PIK3R5: variants seen among roughly 807,000 people sequenced by gnomAD.
The protein encoded by PIK3R5 is phosphoinositide 3-kinase regulatory subunit 5.
In PIK3R5, 32 loss-of-function variants were observed where a neutral mutation model predicts 94.9. The ratio of observed to expected loss-of-function variants is 0.34; its 90% confidence interval spans 0.25 to 0.45. The LOEUF (loss-of-function observed/expected upper bound fraction) is 0.45, where lower values mean the gene tolerates loss of function less well. Ranked by LOEUF, PIK3R5 falls within the 20% of genes least tolerant of loss-of-function variation. The probability of loss-of-function intolerance (pLI) is 1.00; values close to 1 mark genes in which losing one functional copy is unlikely to be tolerated. For synonymous variants in PIK3R5, 443 were observed against 479.4 expected (o/e 0.92, Z 0.99); for missense variants, 853 against 1,144.6 (o/e 0.75, Z 3.68).
At chr17:8,939,554 A>G (rs2091136975) in intron 1 of PIK3R5, among the ~76,000 whole-genome samples, 1 of 152,224 alleles carries the variant, frequency 6.6e-6, no homozygotes, top group Non-Finnish European at 1.5e-5. Flanking sequence ...AGTAAAGAGC[A>G]TGAATGACAT....
In PIK3R5 at chr17:8,911,614, C is replaced by T; in HGVS notation, c.-13-107G>A. 1.4e-6 allele frequency: 1 copy of T among 694,326 alleles called. No homozygotes were observed. The allele number at this position is 694,326 out of a possible 1,614,324, so 43.0% of individuals were successfully genotyped here. On this transcript the variant is annotated intron_variant, in intron 1 of 18. Coordinates refer to ENST00000447110, the MANE Select transcript of PIK3R5 (RefSeq NM_001142633.3). The surrounding 1 kb of genome is among the most constrained non-coding windows in gnomAD (Gnocchi z 5.3). ...ACAGTGCAGCGCGATCAGCCCAGCC[C>T]AGCTATAGCTCAGGTGCTGTGGAAA... is the stretch of plus-strand genomic sequence containing the variant.
intron 5 of PIK3R5, among the ~76,000 whole-genome samples, chr17:8,898,053 A>G (rs1377507804): frequency 3.3e-5 from 5 of 152,200 alleles, no homozygotes; most frequent in Non-Finnish European, 1.5e-5. Flanking sequence ...CTAACTGATC[A>G]CACCGTGTGG....
intron 14 of PIK3R5, 76 bp downstream of exon 14, chr17:8,886,152 AC>A: frequency 1.8e-6 from 2 of 1,120,552 alleles, no homozygotes; most frequent in South Asian, 1.3e-5. Flanking sequence ...CTCCCAGGTA[AC>A]CCCACCTCCA....
intron 3 of PIK3R5, among the ~76,000 whole-genome samples, chr17:8,908,004 A>G (rs1333455134): frequency 6.6e-6 from 1 of 152,128 alleles, no homozygotes; most frequent in African/African-American, 2.4e-5. Flanking sequence ...ATTTGCATTT[A>G]TTTTAGTATC....
In PIK3R5 at chr17:8,909,183, G is replaced by A; in HGVS notation, c.104-9C>T. 1 of 1,567,238 alleles carries A rather than the reference G, an allele frequency of 6.4e-7. No individual in the cohort carries two copies. Among genetic ancestry groups the A allele is most frequent in the Non-Finnish European group, 8.7e-7 (1 of 1,149,916 alleles). On this transcript the variant is annotated splice_polypyrimidine_tract_variant and intron_variant, in intron 2 of 18. Coordinates refer to ENST00000447110, the MANE Select transcript of PIK3R5 (RefSeq NM_001142633.3). This position sits in a 1 kb window ranked among gnomAD's most constrained non-coding sequence, Gnocchi z 4.3. ...GTTCAGACACAGCCCAGCTGGAAAAGGAGAGAGAGGCAAGGGGTCAGTTCT... is the reference window on the plus strand; with the variant it reads ...GTTCAGACACAGCCCAGCTGGAAAAAGAGAGAGAGGCAAGGGGTCAGTTCT...
intron 1 of PIK3R5, among the ~76,000 whole-genome samples, chr17:8,919,842 T>TTCTC (rs1555550086): frequency 6.6e-6 from 1 of 150,522 alleles, no homozygotes; most frequent in Non-Finnish European, 1.5e-5. Flanking sequence ...TCTCCTCTCC[T>TTCTC]TCTCTCTCTC....
chr17:8,935,290 T>G lies in PIK3R5; in HGVS notation c.-13-23783A>C, dbSNP rs922894220. On this transcript the variant is annotated intron_variant, in intron 1 of 18. Transcript: ENST00000447110. This position sits in a 1 kb window ranked among gnomAD's most constrained non-coding sequence, Gnocchi z 4.5. ...GGCAGATTCTCCCTGGAAAGTTACA[T>G]GAGTGTGCAAACGAAAGCCCCGCCC... 6.6e-6 allele frequency among the ~76,000 whole-genome samples: 1 copy of G among 152,210 alleles called. No individual in the cohort carries two copies. Among genetic ancestry groups the G allele is most frequent in the African/African-American group, 2.4e-5 (1 of 41,450 alleles).
chr17:8,912,420 C>A (rs916859112), intron 1 of PIK3R5: 8 of 152,282 alleles, frequency 5.3e-5, no homozygotes, highest in African/African-American at 1.9e-4. Flanking sequence ...CTTTTCCAAA[C>A]TTCTGTTGAC....
intron 5 of PIK3R5, among the ~76,000 whole-genome samples, chr17:8,897,491 G>A (rs2090178222): frequency 6.6e-6 from 1 of 152,314 alleles, no homozygotes; most frequent in African/African-American, 2.4e-5. Context: ...GCTTGTGGGG[G>A]CGAACTGAGA....
intron 1 of PIK3R5, among the ~76,000 whole-genome samples, chr17:8,948,690 C>T (rs113292430): frequency 1.8e-4 from 27 of 152,264 alleles, no homozygotes; most frequent in South Asian, 4.1e-4. Flanking sequence ...TGTGAAGCCA[C>T]GCAAACCCTC....
At chr17:8,936,404 C>G (rs982783929) in intron 1 of PIK3R5, among the ~76,000 whole-genome samples, 29 of 152,210 alleles carry the variant, frequency 1.9e-4, no homozygotes, top group African/African-American at 7.0e-4. Context: ...ATCCCCTATA[C>G]TCCATCTATT....
In PIK3R5 at chr17:8,921,427, A is replaced by T. The variant is rs1673607909; in HGVS notation, c.-13-9920T>A. ...TGTCATTCATTCTGGCTCATGAATT[A>T]TAGCTTTGCCAATTATAGAATTGGC... On this transcript the variant is annotated intron_variant, in intron 1 of 18. Coordinates refer to ENST00000447110, the MANE Select transcript of PIK3R5 (RefSeq NM_001142633.3). Among the ~76,000 whole-genome samples, 3 of 152,310 alleles carry T rather than the reference A, an allele frequency of 2.0e-5. No individual in the cohort carries two copies. In the South Asian group the frequency reaches 6.2e-4, roughly 32 times the overall value.
At chr17:8,895,721 C>T (rs560675943) in intron 5 of PIK3R5, among the ~76,000 whole-genome samples, 5 of 152,186 alleles carry the variant, frequency 3.3e-5, no homozygotes, top group Admixed American at 6.5e-5. Context: ...GAAGCTGCTT[C>T]GTATGAGCTA....
At chr17:8,951,727 G>A (rs1201560510) in intron 1 of PIK3R5, among the ~76,000 whole-genome samples, 1 of 152,194 alleles carries the variant, frequency 6.6e-6, no homozygotes, top group Non-Finnish European at 1.5e-5. Flanking sequence ...GGCTTAGGAG[G>A]CAAGCTTACT....
chr17:8,898,561 T>A (rs939451299), intron 5 of PIK3R5, among the ~76,000 whole-genome samples: 2 of 152,204 alleles, frequency 1.3e-5, no homozygotes, highest in Non-Finnish European at 2.9e-5. Flanking sequence ...GCAAGTTACA[T>A]AAATGTCGAG....
chr17:8,881,536 CACAT>C lies in PIK3R5; in HGVS notation c.2382+90_2382+93del, dbSNP rs2089659061. ...GGGTGTGTATGTGCACACATGCACA[CACAT>C]ACATGTGCACACACACGTACACACA... On this transcript the variant is annotated intron_variant, in intron 17 of 18. Coordinates refer to ENST00000447110, the MANE Select transcript of PIK3R5 (RefSeq NM_001142633.3). This position sits in a 1 kb window ranked among gnomAD's most constrained non-coding sequence, Gnocchi z 4.8. 2.5e-5 allele frequency: 24 copies of C among 945,228 alleles called. No individual in the cohort carries two copies. The highest frequency in any genetic ancestry group is 4.0e-5 in the Non-Finnish European group (24 of 594,060). The allele number at this position is 945,228 out of a possible 1,614,324, so 58.6% of individuals were successfully genotyped here. A position where few individuals can be genotyped will look rare whatever the true frequency, so the allele number is the denominator to read the frequency against.
At chr17:8,895,931 A>C (rs1249985358) in intron 5 of PIK3R5, among the ~76,000 whole-genome samples, 2 of 152,160 alleles carry the variant, frequency 1.3e-5, no homozygotes, top group African/African-American at 4.8e-5. Context: ...CCTCACCCCC[A>C]AAACACCATC....
intron 1 of PIK3R5, among the ~76,000 whole-genome samples, chr17:8,915,374 A>G (rs1243139898): frequency 6.6e-6 from 1 of 151,536 alleles, no homozygotes. Flanking sequence ...CGGTGAGCCA[A>G]GATCATGCCA....
At chr17:8,880,825 C>A in intron 18 of PIK3R5, 39 bp from the exon 19 acceptor site, 1 of 1,612,972 alleles carries the variant, frequency 6.2e-7, no homozygotes, top group East Asian at 2.2e-5. Context: ...AGAGCAGGCC[C>A]CCATCCTTCC....
Sources: allele counts gnomAD v4.1 joint callset (sites outside exome capture counted in the v4.1 genomes callset), GRCh38; gene constraint gnomAD v4.1.1; non-coding constraint Gnocchi (gnomAD v3.1); transcripts MANE v1.5; gene names NCBI Gene and HGNC (gene_info 2026-07-23, HGNC 2026-07-21).